Variants in GRM7 observed in about 807,000 individuals in gnomAD.
GRM7 encodes the protein metabotropic glutamate receptor 7.
In GRM7, 35 loss-of-function variants were observed where a neutral mutation model predicts 84.5. That is an observed-to-expected ratio of 0.41 (90% CI 0.32 to 0.55). The LOEUF is 0.55. GRM7 is among the 20% of genes least tolerant of loss of function. The probability of loss-of-function intolerance (pLI) is 0.19; values close to 1 mark genes in which losing one functional copy is unlikely to be tolerated. For synonymous variants in GRM7, 487 were observed against 455.1 expected, an observed-to-expected ratio of 1.07 and a Z score of -0.89; for missense variants, 1,003 against 1,194.6, an observed-to-expected ratio of 0.84 and a Z score of 2.36.
At chr3:6,967,061 T>G (rs796845888) in intron 1 of GRM7, among the ~76,000 whole-genome samples, 2 of 152,354 alleles carry the variant, frequency 1.3e-5, no homozygotes, top group African/African-American at 4.8e-5. Context: ...TTCAAACTCC[T>G]GGCCTCAAGT....
Position 7,307,851 on chromosome 3 carries a change from G to C in GRM7, c.1033+1199G>C, listed in dbSNP as rs146103879. On this transcript the variant is annotated intron_variant, in intron 4 of 9. Transcript: ENST00000357716. ...TAGGAGTCAGGAAAACAAAAGATGA[G>C]GACTCAAAATTCTCACCCTCAAAGC... Among the ~76,000 whole-genome samples the C allele has an allele frequency of 1.1e-3, 160 of 152,250 alleles. 1 individual carries two copies. The highest frequency in any genetic ancestry group is 3.5e-3 in the African/African-American group (145 of 41,536).
At chr3:7,377,481 A>C (rs1174923315) in intron 4 of GRM7, among the ~76,000 whole-genome samples, 1 of 152,224 alleles carries the variant, frequency 6.6e-6, no homozygotes, top group Non-Finnish European at 1.5e-5. Flanking sequence ...TGCTTACGGG[A>C]TATCAGTGAT....
chr3:6,932,624 A>G (rs1040338484), intron 1 of GRM7, among the ~76,000 whole-genome samples: 2 of 152,150 alleles, frequency 1.3e-5, no homozygotes, highest in African/African-American at 4.8e-5. Flanking sequence ...TACAGCTTCA[A>G]TGATAAATTA....
chr3:7,171,250 C>A (rs1191728302), intron 2 of GRM7, among the ~76,000 whole-genome samples: 1 of 152,108 alleles, frequency 6.6e-6, no homozygotes, highest in African/African-American at 2.4e-5. Context: ...TGTGTTTCTT[C>A]ACTTATCTTC....
Position 6,862,685 on chromosome 3 carries a change from A to AGG in GRM7, c.519+778_519+779insGG, listed in dbSNP as rs1186766457. The AGG allele has an allele frequency of 1.1e-5, 1 of 87,174 alleles. No individual in the cohort carries two copies. The highest frequency in any genetic ancestry group is 1.1e-4 in the African/African-American group (1 of 9,326). 5.4% of individuals were successfully genotyped at this position (87,174 alleles called of 1,614,324 possible). On this transcript the variant is annotated intron_variant, in intron 1 of 9. Coordinates refer to ENST00000357716, the MANE Select transcript of GRM7 (RefSeq NM_000844.4). This position sits in a 1 kb window ranked among gnomAD's most constrained non-coding sequence, Gnocchi z 5.2. ...CAGACCTCAGCCCAGGGATGAGCTCACGCGAAACGAAATCGCTCTCCCTGC... is the reference window on the plus strand; with the variant it reads ...CAGACCTCAGCCCAGGGATGAGCTCAGGCGCGAAACGAAATCGCTCTCCCTGC...
intron 1 of GRM7, among the ~76,000 whole-genome samples, chr3:7,117,603 G>C (rs1693081216): frequency 6.6e-6 from 1 of 152,126 alleles, no homozygotes; most frequent in Admixed American, 6.6e-5. Flanking sequence ...CCTACCATCA[G>C]TTATCCTCAT....
intron 1 of GRM7, among the ~76,000 whole-genome samples, chr3:7,055,166 C>G (rs892178384): frequency 4.5e-4 from 68 of 151,706 alleles, no homozygotes; most frequent in African/African-American, 1.6e-3. Flanking sequence ...AGTTAATGTA[C>G]CAAACAATCT....
At position 7,092,776 on chromosome 3, in the gene GRM7, C is replaced by T. The variant is rs527903827; in HGVS notation, c.520-53676C>T. ...AGGTGGACCCTCTCCCACTGTCTGCCAATATTAGACTTCAGAGAAATTACT... is the reference window on the plus strand; with the variant it reads ...AGGTGGACCCTCTCCCACTGTCTGCTAATATTAGACTTCAGAGAAATTACT... On this transcript the variant is annotated intron_variant, in intron 1 of 9. Coordinates refer to ENST00000357716, the MANE Select transcript of GRM7 (RefSeq NM_000844.4). Among the ~76,000 whole-genome samples, 3 of 152,256 alleles carry T rather than the reference C, an allele frequency of 2.0e-5. No individual in the cohort carries two copies. In the South Asian group the frequency reaches 6.2e-4, roughly 32 times the overall value.
Position 6,902,294 on chromosome 3 carries a change from G to A in GRM7, c.519+40387G>A, listed in dbSNP as rs78593618. Among the ~76,000 whole-genome samples the A allele has an allele frequency of 3.7e-3, 556 of 152,190 alleles. 6 individuals carry two copies. Among genetic ancestry groups the A allele is most frequent in the African/African-American group, 0.013 (524 of 41,536 alleles). On this transcript the variant is annotated intron_variant, in intron 1 of 9. Transcript: ENST00000357716. ...TTTTGCACAATTTTTTAAAATGACA[G>A]CTATCCAAATTGCAAGCTGGAAGAT...
At chr3:6,978,837 G>T (rs1694093621) in intron 1 of GRM7, among the ~76,000 whole-genome samples, 1 of 152,148 alleles carries the variant, frequency 6.6e-6, no homozygotes, top group Non-Finnish European at 1.5e-5. Context: ...AGTCGAGAAG[G>T]CAGACTTCCA....
chr3:6,897,582 G>A (rs1287504843), intron 1 of GRM7, among the ~76,000 whole-genome samples: 2 of 152,142 alleles, frequency 1.3e-5, no homozygotes, highest in African/African-American at 4.8e-5. Context: ...AGTGCATTCA[G>A]GAGAGTGCCT....
At chr3:7,067,628 G>A (rs1697715157) in intron 1 of GRM7, among the ~76,000 whole-genome samples, 1 of 151,906 alleles carries the variant, frequency 6.6e-6, no homozygotes, top group Non-Finnish European at 1.5e-5. Context: ...CGAGAGTCAA[G>A]GGGAGGAGAG....
intron 4 of GRM7, among the ~76,000 whole-genome samples, chr3:7,325,872 GTC>G (rs1235622807): frequency 6.6e-6 from 1 of 151,610 alleles, no homozygotes; most frequent in Non-Finnish European, 1.5e-5. Context: ...CAGTTTTTTT[GTC>G]TCTCTCTCGA....
At chr3:7,294,473 C>G (rs892887977) in intron 2 of GRM7, among the ~76,000 whole-genome samples, 1 of 151,924 alleles carries the variant, frequency 6.6e-6, no homozygotes, top group Non-Finnish European at 1.5e-5. Flanking sequence ...ATGTCTGTTG[C>G]TGGCTCTCTG....
chr3:7,011,262 A>G (rs1323719074), intron 1 of GRM7, among the ~76,000 whole-genome samples: 2 of 152,234 alleles, frequency 1.3e-5, no homozygotes, highest in African/African-American at 2.4e-5. Flanking sequence ...AACAGCAATC[A>G]ATATTATTAA....
At chr3:7,351,019 G>T (rs952276578) in intron 4 of GRM7, among the ~76,000 whole-genome samples, 4 of 151,998 alleles carry the variant, frequency 2.6e-5, no homozygotes, top group African/African-American at 9.7e-5. Flanking sequence ...TGTGAGAAGG[G>T]CATTTGTCGA....
chr3:7,269,354 A>G (rs563017722), intron 2 of GRM7, among the ~76,000 whole-genome samples: 5 of 152,146 alleles, frequency 3.3e-5, no homozygotes, highest in Non-Finnish European at 7.3e-5. Flanking sequence ...TGACCTCACT[A>G]TCTCTTACTT....
chr3:7,110,015 TC>T (rs1403272746), intron 1 of GRM7, among the ~76,000 whole-genome samples: 2 of 152,106 alleles, frequency 1.3e-5, no homozygotes, highest in African/African-American at 4.8e-5. Flanking sequence ...CAAATGTACT[TC>T]AGTACATTTC....
chr3:6,945,775 C>T (rs1018439000), intron 1 of GRM7, among the ~76,000 whole-genome samples: 1 of 152,056 alleles, frequency 6.6e-6, no homozygotes, highest in Non-Finnish European at 1.5e-5. Flanking sequence ...TGAGATGGTA[C>T]CTCATTGTGG....
Sources: allele counts gnomAD v4.1 joint callset (sites outside exome capture counted in the v4.1 genomes callset), GRCh38; gene constraint gnomAD v4.1.1; non-coding constraint Gnocchi (gnomAD v3.1); transcripts MANE v1.5; gene names NCBI Gene and HGNC (gene_info 2026-07-23, HGNC 2026-07-21).